Variants in MGST1 observed in about 807,000 individuals in gnomAD.
MGST1 encodes the protein glutathione S-transferase 12.
In MGST1, 5 loss-of-function variants were observed where a neutral mutation model predicts 8.9. The ratio of observed to expected loss-of-function variants is 0.56; its 90% CI spans 0.29 to 1.19. The LOEUF (loss-of-function observed/expected upper bound fraction) is 1.19, where lower values mean the gene tolerates loss of function less well. Ranked by LOEUF, MGST1 falls within the 50% of genes most tolerant of loss-of-function variation. The pLI, the probability that MGST1 is intolerant of heterozygous loss-of-function variation, is 0.08. For synonymous variants in MGST1, 54 were observed against 67.8 expected (o/e 0.80, Z 1.00); for missense variants, 182 against 187.4 (o/e 0.97, Z 0.17).
chr12:16,440,196 A>G (rs1351795362), downstream of MGST1, among the ~76,000 whole-genome samples: 1 of 151,606 alleles, frequency 6.6e-6, no homozygotes. Flanking sequence ...TGAATAAATG[A>G]TTGCTTGTAT....
chr12:16,351,528 G>A (rs918598935), intron 1 of MGST1, among the ~76,000 whole-genome samples: 11 of 152,104 alleles, frequency 7.2e-5, no homozygotes, highest in Non-Finnish European at 1.3e-4. Context: ...AAAATAGGGG[G>A]GCCAGGCATG....
intron 1 of MGST1, among the ~76,000 whole-genome samples, chr12:16,425,641 C>T (rs909097196): frequency 1.3e-5 from 2 of 152,266 alleles, no homozygotes; most frequent in South Asian, 2.1e-4. Flanking sequence ...GACACTTCTA[C>T]CTCCATGATG....
At position 16,476,868 on chromosome 12, in the gene MGST1, T is replaced by C. The variant is rs867634652; in HGVS notation, n.482+93264T>C. The stretch of plus-strand genomic sequence containing the variant: ...GGTGAGAAAGAAGAGGATTTCTGTA[T>C]TGCAGATAGTGTAAATAAAGTCCTT... On this transcript the variant is annotated intron_variant and non_coding_transcript_variant, in intron 4 of 4. Transcript: ENST00000538857. Among the ~76,000 whole-genome samples the C allele has an allele frequency of 2.6e-5, 4 of 152,312 alleles. 1 individual carries two copies. In the South Asian group the frequency reaches 8.3e-4, roughly 32 times the overall value.
chr12:16,569,660 G>GAATC (rs1942742050), intron 4 of MGST1, among the ~76,000 whole-genome samples: 1 of 152,088 alleles, frequency 6.6e-6, no homozygotes, highest in Non-Finnish European at 1.5e-5. Flanking sequence ...ACATTTCATA[G>GAATC]AATCACAAAA....
At chr12:16,539,326 C>T (rs1229595688) in intron 4 of MGST1, among the ~76,000 whole-genome samples, 1 of 152,086 alleles carries the variant, frequency 6.6e-6, no homozygotes, top group Non-Finnish European at 1.5e-5. Flanking sequence ...CTGAGTAATA[C>T]AATTTAAAGA....
intron 4 of MGST1, among the ~76,000 whole-genome samples, chr12:16,462,171 T>C (rs1380227630): frequency 1.3e-5 from 2 of 152,210 alleles, no homozygotes; most frequent in Non-Finnish European, 2.9e-5. Context: ...ATTGGGATAC[T>C]GTATCTACAT....
At chr12:16,527,262 A>G (rs1375921510) in intron 4 of MGST1, among the ~76,000 whole-genome samples, 1 of 152,076 alleles carries the variant, frequency 6.6e-6, no homozygotes, top group Non-Finnish European at 1.5e-5. Flanking sequence ...AAAGAAAAAG[A>G]ATAAATTCTA....
In MGST1 at chr12:16,566,973, G is replaced by T. The variant is rs139020120; in HGVS notation, n.483-22555G>T. Among the ~76,000 whole-genome samples, 1,308 of 152,140 alleles carry T rather than the reference G, an allele frequency of 8.6e-3. 8 individuals are homozygous for T. Among genetic ancestry groups the T allele is most frequent in the Non-Finnish European group, 0.015 (1,019 of 67,988 alleles). On this transcript the variant is annotated intron_variant and non_coding_transcript_variant, in intron 4 of 4. Transcript: ENST00000538857. Reference sequence around the variant, plus strand: ...TATATATGTTAAAAACTACAACTTGGCACTTGAGGTCAGGAGTTCGGGACC... The same window carrying T: ...TATATATGTTAAAAACTACAACTTGTCACTTGAGGTCAGGAGTTCGGGACC...
chr12:16,400,155 A>G, intron 1 of MGST1: 1 of 1,349,950 alleles, frequency 7.4e-7, no homozygotes, highest in Non-Finnish European at 1.1e-6. Context: ...CATCTCGGTC[A>G]TGCATATGTT....
intron 4 of MGST1, among the ~76,000 whole-genome samples, chr12:16,475,257 T>G (rs2137138651): frequency 6.6e-6 from 1 of 152,314 alleles, no homozygotes; most frequent in African/African-American, 2.4e-5. Flanking sequence ...AGTACTGTAC[T>G]CTTTTTTTAA....
At chr12:16,591,522 G>A (rs1240113102), downstream of MGST1, among the ~76,000 whole-genome samples, 3 of 101,408 alleles carry the variant, frequency 3.0e-5, no homozygotes, top group Non-Finnish European at 4.0e-5. The surrounding 1 kb of genome is among the most constrained non-coding windows in gnomAD (Gnocchi z 4.1). Context: ...AGGGGAGCAG[G>A]TATTTTTGTG....
chr12:16,530,492 G>T (rs1385289757), intron 4 of MGST1, among the ~76,000 whole-genome samples: 1 of 152,062 alleles, frequency 6.6e-6, no homozygotes, highest in African/African-American at 2.4e-5. Flanking sequence ...TATAAAACCT[G>T]CCTTCTGACT....
intron 4 of MGST1, chr12:16,551,355 G>A (rs752473701): frequency 6.9e-6 from 9 of 1,302,828 alleles, no homozygotes; most frequent in Non-Finnish European, 1.0e-5. Context: ...AATAAAATGT[G>A]GTTAAGACCA....
intron 1 of MGST1, among the ~76,000 whole-genome samples, chr12:16,432,505 T>A (rs561408773): frequency 1.3e-5 from 2 of 152,110 alleles, no homozygotes; most frequent in Non-Finnish European, 2.9e-5. Context: ...ATTTTTTTCC[T>A]CTTGATTTCT....
rs118084801 is a variant in MGST1 at position 16,446,811 on chromosome 12, C to T, written n.482+63207C>T. Among the ~76,000 whole-genome samples the T allele has an allele frequency of 1.7e-4, 26 of 151,982 alleles. No homozygotes were observed. The East Asian group carries it at 3.5e-3, about 21-fold the overall frequency. ...GATTCTGGTATCCATCTCCCTTGTACACTCCTGATGGCCTTCTTAAATGCT... is the reference window on the plus strand; with the variant it reads ...GATTCTGGTATCCATCTCCCTTGTATACTCCTGATGGCCTTCTTAAATGCT... On this transcript the variant is annotated intron_variant and non_coding_transcript_variant, in intron 4 of 4. Coordinates refer to the MGST1 transcript ENST00000538857.
In MGST1 at chr12:16,498,890, A is replaced by G. The variant is rs544863768; in HGVS notation, n.483-90638A>G. ...TGAAGTAGCAATTTTAGAATACAGA[A>G]CCATCTTTGACTTAAAAAGGAGACT... On this transcript the variant is annotated intron_variant and non_coding_transcript_variant, in intron 4 of 4. Transcript: ENST00000538857. 2.6e-5 allele frequency among the ~76,000 whole-genome samples: 4 copies of G among 152,342 alleles called. No homozygotes were observed. The East Asian group carries it at 5.8e-4, about 22-fold the overall frequency.
chr12:16,493,330 A>G (rs1269187842), intron 4 of MGST1, among the ~76,000 whole-genome samples: 1 of 152,108 alleles, frequency 6.6e-6, no homozygotes, highest in East Asian at 1.9e-4. Flanking sequence ...GTTCAAGTCC[A>G]TGTTTCTCAA....
At chr12:16,526,463 C>G (rs1287528405) in intron 4 of MGST1, among the ~76,000 whole-genome samples, 1 of 151,890 alleles carries the variant, frequency 6.6e-6, no homozygotes. Context: ...ATCTTATTAT[C>G]TCACTGAAAG....
chr12:16,421,907 T>C (rs761702473), intron 1 of MGST1, among the ~76,000 whole-genome samples: 1 of 152,188 alleles, frequency 6.6e-6, no homozygotes, highest in Non-Finnish European at 1.5e-5. Context: ...TCTGGTTTCA[T>C]TGAGGGATGT....
Sources: gnomAD v4.1 joint callset for allele counts (sites outside exome capture counted in the v4.1 genomes callset) on GRCh38, gnomAD v4.1.1 for gene constraint, Gnocchi (gnomAD v3.1) non-coding constraint, MANE v1.5 for transcripts, NCBI Gene and HGNC (gene_info 2026-07-23, HGNC 2026-07-21) for gene names.